Variants in SMYD4 observed in about 807,000 individuals in gnomAD.
SMYD4 encodes the protein SET and MYND domain containing 4.
In SMYD4, 68 loss-of-function variants were observed where a neutral mutation model predicts 72.8. That is an observed-to-expected ratio of 0.93 (90% CI 0.77 to 1.14). The LOEUF (loss-of-function observed/expected upper bound fraction) is 1.14. Ranked by LOEUF, SMYD4 falls within the 50% of genes most tolerant of loss-of-function variation. The pLI, the probability that SMYD4 is intolerant of heterozygous loss-of-function variation, is 0.00. For missense variants in SMYD4, 984 were observed against 1,003.7 expected (o/e 0.98, Z 0.27); for synonymous variants, 407 against 388.6 (o/e 1.05, Z -0.56).
Position 1,783,099 on chromosome 17 carries a change from G to C in SMYD4, c.2197C>G (p.His733Asp). ...QRSLYVVEVR[H>D]GPSSVEMGHE... ...CCCATTTCAACACTGGACGGCCCGT[G>C]GCGAACCTCCACCACGTAGAGACTC... Residue 733 changes from histidine to aspartate, a missense_variant, in exon 10 of 11, where the codon CAC becomes GAC. By Grantham distance (81) the His-to-Asp change is moderately conservative. Coordinates refer to ENST00000305513, the MANE Select transcript of SMYD4 (RefSeq NM_052928.3). The C allele has an allele frequency of 6.2e-7, 1 of 1,614,172 alleles. No homozygotes were observed. The highest frequency in any genetic ancestry group is 8.5e-7 in the Non-Finnish European group (1 of 1,180,038).
chr17:1,782,805 C>G, intron 10 of SMYD4: 1 of 297,708 alleles, frequency 3.4e-6, no homozygotes, highest in African/African-American at 2.3e-5. Context: ...CTCGCTCTGT[C>G]GCCCAGGCTA....
In SMYD4 at chr17:1,812,605, G is replaced by C. The variant is rs368187697; in HGVS notation, c.135-490C>G. On this transcript the variant is annotated intron_variant, in intron 2 of 10. Coordinates refer to ENST00000305513, the MANE Select transcript of SMYD4 (RefSeq NM_052928.3). ...TCACTGTCACCCAGGCTGGAGTGCA[G>C]AATCATGATCTCGGCTCGCTGCAAC... 1.5e-4 allele frequency among the ~76,000 whole-genome samples: 19 copies of C among 130,744 alleles called. No individual in the cohort carries two copies. The East Asian group carries it at 2.3e-3, about 16-fold the overall frequency. 85.8% of individuals were successfully genotyped at this position (130,744 alleles called of 152,430 possible).
chr17:1,815,265 T>C (rs975448881), intron 2 of SMYD4, among the ~76,000 whole-genome samples: 2 of 152,088 alleles, frequency 1.3e-5, no homozygotes, highest in Admixed American at 6.6e-5. Flanking sequence ...GGTTTCACCA[T>C]GTTGATCAGG....
intron 2 of SMYD4, among the ~76,000 whole-genome samples, chr17:1,817,923 T>C (rs998665519): frequency 1.4e-4 from 21 of 151,758 alleles, no homozygotes; most frequent in African/African-American, 5.1e-4. Context: ...GGCGGGTGCC[T>C]GTAGTCCCAG....
In SMYD4 at chr17:1,828,893, G is replaced by A. The variant is rs761348604; in HGVS notation, c.-13+833C>T. Among the ~76,000 whole-genome samples, 8 of 152,162 alleles carry A rather than the reference G, an allele frequency of 5.3e-5. No homozygotes were observed. In the East Asian group the frequency reaches 9.7e-4, roughly 18 times the overall value. On this transcript the variant is annotated intron_variant, in intron 1 of 10. Transcript: ENST00000305513. ...ATTACAGGCGTGAGCCACCGCGCCC[G>A]GCCTGATCCCTCTCTAGTTTCTCTG... is the stretch of plus-strand genomic sequence containing the variant.
chr17:1,783,144 A>C lies in SMYD4; in HGVS notation c.2152T>G (p.Ser718Ala). Residue 718 changes from serine (S) to alanine (A), a missense_variant, in exon 10 of 11, where the codon TCA (serine) becomes GCA (alanine). Coordinates refer to ENST00000305513, the MANE Select transcript of SMYD4 (RefSeq NM_052928.3). ...ACAALGDWQK[S>A]ATHLQRSLYV... is the part of the protein sequence containing the mutation. ...AGACTCCTCTGTAGATGGGTGGCTG[A>C]CTTTTGCCAGTCTCCTGTGAGAAGA... 1 of 1,614,128 alleles carries C rather than the reference A, an allele frequency of 6.2e-7. No individual in the cohort carries two copies. Among genetic ancestry groups the C allele is most frequent in the Non-Finnish European group, 8.5e-7 (1 of 1,180,024 alleles).
intron 2 of SMYD4, among the ~76,000 whole-genome samples, chr17:1,823,810 G>A (rs904219893): frequency 1.3e-5 from 2 of 152,016 alleles, no homozygotes; most frequent in Non-Finnish European, 2.9e-5. Context: ...TCTTCCCCTG[G>A]GGTGTTATTA....
chr17:1,823,449 T>TGGG lies in SMYD4; in HGVS notation c.134+4409_134+4411dup, dbSNP rs1403007378. Among the ~76,000 whole-genome samples, 25 of 132,122 alleles carry TGGG rather than the reference T, an allele frequency of 1.9e-4. No individual in the cohort carries two copies. The Middle Eastern group carries it at 0.015, about 81-fold the overall frequency. The allele number at this position is 132,122 out of a possible 152,430, so 86.7% of individuals were successfully genotyped here. A position where few individuals can be genotyped will look rare whatever the true frequency, so the allele number is the denominator to read the frequency against. On this transcript the variant is annotated intron_variant, in intron 2 of 10. Coordinates refer to ENST00000305513, the MANE Select transcript of SMYD4 (RefSeq NM_052928.3). ...TGACAAGCCAATTCTAAAGTTCACA[T>TGGG]GGGGGAAATGCACACAAAATACCCA...
chr17:1,794,105 A>AT (rs59420310), intron 5 of SMYD4, among the ~76,000 whole-genome samples: 9 of 12,992 alleles, frequency 6.9e-4, no homozygotes, highest in Non-Finnish European at 9.6e-4. Flanking sequence ...ATATATATAT[A>AT]TTTTTTTTTT....
At chr17:1,828,334 G>C (rs543084960) in intron 1 of SMYD4, among the ~76,000 whole-genome samples, 17 of 147,262 alleles carry the variant, frequency 1.2e-4, no homozygotes, top group African/African-American at 4.1e-4. Context: ...CTGGGTGACA[G>C]AGCAAGACTC....
chr17:1,824,518 G>A (rs1040119363), intron 2 of SMYD4, among the ~76,000 whole-genome samples: 2 of 152,116 alleles, frequency 1.3e-5, no homozygotes, highest in Admixed American at 6.6e-5. Context: ...CTGTGTTGTC[G>A]GAGGGACCTG....
intron 5 of SMYD4, among the ~76,000 whole-genome samples, chr17:1,794,102 TA>T (rs1476229917): frequency 4.2e-3 from 89 of 21,416 alleles, no homozygotes; most frequent in African/African-American, 7.0e-3. Flanking sequence ...TATATATATA[TA>T]TATTTTTTTT....
intron 2 of SMYD4, among the ~76,000 whole-genome samples, chr17:1,821,253 G>A (rs137916336): frequency 6.8e-4 from 103 of 152,248 alleles, no homozygotes; most frequent in African/African-American, 2.4e-5. Context: ...GGGGGTTCAC[G>A]CCTGTCATCC....
In SMYD4 at chr17:1,798,935, A is replaced by AT. The variant is rs553667271; in HGVS notation, c.1537+921dup. ...ATAAATAAAGTAAAATAAAAAATAAATTTTTTTTCAGCAATATGGACTTTT... is the reference window on the plus strand; with the variant it reads ...ATAAATAAAGTAAAATAAAAAATAAATTTTTTTTTCAGCAATATGGACTTTT... On this transcript the variant is annotated intron_variant, in intron 5 of 10. Coordinates refer to ENST00000305513, the MANE Select transcript of SMYD4 (RefSeq NM_052928.3). Among the ~76,000 whole-genome samples, 12 of 151,264 alleles carry AT rather than the reference A, an allele frequency of 7.9e-5. 1 individual carries two copies. The Middle Eastern group carries it at 0.01, about 130-fold the overall frequency.
intron 3 of SMYD4, among the ~76,000 whole-genome samples, chr17:1,807,295 G>A (rs1205869191): frequency 6.6e-6 from 1 of 150,738 alleles, no homozygotes; most frequent in Non-Finnish European, 1.5e-5. Flanking sequence ...CCATTTAATG[G>A]AACGCCATGT....
chr17:1,797,151 A>C (rs1326152800), intron 5 of SMYD4, among the ~76,000 whole-genome samples: 1 of 152,246 alleles, frequency 6.6e-6, no homozygotes, highest in African/African-American at 2.4e-5. Flanking sequence ...AAATAGGCTG[A>C]CAAATTCTAG....
rs1362287970 is a variant in SMYD4, at chr17:1,794,039, A to G, written c.1537+5818T>C. Among the ~76,000 whole-genome samples the G allele has an allele frequency of 2.1e-3, 145 of 68,066 alleles. 2 individuals carry two copies. The highest frequency in any genetic ancestry group is 5.3e-3 in the East Asian group (17 of 3,190). 44.7% of individuals were successfully genotyped at this position (68,066 alleles called of 152,430 possible). A position where few individuals can be genotyped will look rare whatever the true frequency, so the allele number is the denominator to read the frequency against. On this transcript the variant is annotated intron_variant, in intron 5 of 10. Coordinates refer to ENST00000305513, the MANE Select transcript of SMYD4 (RefSeq NM_052928.3). ...TATATATGTGTGTATATATATATGT[A>G]TGTATATATATATGTGTGTATATAT...
At chr17:1,793,396 T>C (rs2151226448) in intron 5 of SMYD4, among the ~76,000 whole-genome samples, 1 of 149,194 alleles carries the variant, frequency 6.7e-6, no homozygotes, top group South Asian at 2.1e-4. Flanking sequence ...AGCTGAGTAT[T>C]TTTTTTTTTT....
At chr17:1,782,782 T>TA (rs1908433899) in intron 10 of SMYD4, 1 of 237,236 alleles carries the variant, frequency 4.2e-6, no homozygotes, top group Admixed American at 5.7e-5. Context: ...TTTTTTTTTT[T>TA]TTGAGATGGA....
Sources: gnomAD v4.1 joint callset for allele counts (sites outside exome capture counted in the v4.1 genomes callset) on GRCh38, gnomAD v4.1.1 for gene constraint, MANE v1.5 for transcripts, NCBI Gene and HGNC (gene_info 2026-07-23, HGNC 2026-07-21) for gene names.